The following PPFIBP2 variants were observed in gnomAD, a reference collection of about 807,000 sequenced individuals.
The protein encoded by PPFIBP2 is PPFIB scaffold protein 2.
Under a neutral mutation model 118.3 loss-of-function variants are expected in PPFIBP2, and 118 were observed. That is an observed-to-expected ratio of 1.00 (90% CI 0.86 to 1.16). PPFIBP2 has a LOEUF of 1.16. Among genes scored for constraint, PPFIBP2 ranks in the 50% most tolerant of loss-of-function variants. PPFIBP2 has a pLI of 0.00. For missense variants in PPFIBP2, 1,195 were observed against 1,073.1 expected, an observed-to-expected ratio of 1.11 and a Z score of -1.59; for synonymous variants, 414 against 397.4, an observed-to-expected ratio of 1.04 and a Z score of -0.50.
intron 3 of PPFIBP2, among the ~76,000 whole-genome samples, chr11:7,575,355 A>G (rs1029326073): frequency 2.6e-5 from 4 of 152,134 alleles, no homozygotes; most frequent in African/African-American, 9.7e-5. Context: ...TCAGGAAGGG[A>G]TAGAAGAGGG....
At chr11:7,594,035 G>A (rs1859826091) in intron 4 of PPFIBP2, among the ~76,000 whole-genome samples, 1 of 152,188 alleles carries the variant, frequency 6.6e-6, no homozygotes, top group African/African-American at 2.4e-5. Flanking sequence ...GAGTTAGACT[G>A]GTGGTAGAAT....
At chr11:7,542,889 G>C (rs1323633513) in intron 1 of PPFIBP2, among the ~76,000 whole-genome samples, 1 of 152,142 alleles carries the variant, frequency 6.6e-6, no homozygotes, top group Non-Finnish European at 1.5e-5. Context: ...GTTCTGTCTT[G>C]TTTACATTTG....
chr11:7,624,836 C>G (rs118126589), intron 7 of PPFIBP2, among the ~76,000 whole-genome samples: 3,175 of 152,184 alleles, frequency 0.021, 49 homozygotes, highest in Non-Finnish European at 0.035. Context: ...GTAGTTTTTC[C>G]CATTTTATAG....
chr11:7,620,975 A>C lies in PPFIBP2; in HGVS notation c.659A>C (p.Glu220Ala). Reference sequence around the variant, plus strand: ...CTCAGGCACCTCAAAATCAAAGTGGAAGAGTTGGAAAATGAAAGGAATCAG... The same window carrying C: ...CTCAGGCACCTCAAAATCAAAGTGGCAGAGTTGGAAAATGAAAGGAATCAG... ...QELRHLKIKV[E>A]ELENERNQYE... The change falls in exon 7 of 24, where the codon GAA (glutamate) becomes GCA (alanine). Residue 220 changes from glutamate (E) to alanine (A), a missense_variant. Physicochemically the swap from Glu to Ala is moderately radical, Grantham distance 107 (BLOSUM62 -1). Transcript: ENST00000299492. 1 of 1,613,426 alleles carries C rather than the reference A, an allele frequency of 6.2e-7. No homozygotes were observed. Among genetic ancestry groups the C allele is most frequent in the African/African-American group, 1.3e-5 (1 of 75,010 alleles).
chr11:7,597,381 T>G, intron 4 of PPFIBP2, 179 bp from the exon 5 acceptor site: 1 of 1,536,722 alleles, frequency 6.5e-7, no homozygotes, highest in Non-Finnish European at 8.7e-7. Context: ...AAGGTAAGAA[T>G]CTAACTGCAG....
intron 4 of PPFIBP2, chr11:7,597,139 G>A (rs1860475637): frequency 1.4e-6 from 2 of 1,436,108 alleles, no homozygotes; most frequent in East Asian, 5.0e-5. Flanking sequence ...AGAGAGGTAA[G>A]GTCATTGGTT....
At chr11:7,666,305 A>G in the PPFIBP2 span, 3 of 620,534 alleles carry the variant, frequency 4.8e-6, no homozygotes, top group Non-Finnish European at 5.8e-6. Context: ...AATTTCTCAC[A>G]TTTCCCATCT....
chr11:7,628,258 A>G, intron 8 of PPFIBP2, 27 bp from the exon 9 acceptor site: 5 of 1,594,350 alleles, frequency 3.1e-6, no homozygotes, highest in Non-Finnish European at 4.3e-6. Flanking sequence ...TATATAAATA[A>G]TTATTTCTAT....
Position 7,653,646 on chromosome 11 carries a change from C to T in PPFIBP2, c.*428C>T. On this transcript the variant is annotated 3_prime_UTR_variant, in exon 24 of 24. Transcript: ENST00000299492. The stretch of plus-strand genomic sequence containing the variant: ...CGTGGACCACAGTCTTGGCTGAGAT[C>T]AAAGGGATGAGCAACAGGGACTTCT... 1 of 1,293,164 alleles carries T rather than the reference C, an allele frequency of 7.7e-7. No homozygotes were observed. Among genetic ancestry groups the T allele is most frequent in the Admixed American group, 2.3e-5 (1 of 43,644 alleles). 80.1% of individuals were successfully genotyped at this position (1,293,164 alleles called of 1,614,324 possible). A position where few individuals can be genotyped will look rare whatever the true frequency, so the allele number is the denominator to read the frequency against.
At chr11:7,563,189 C>T (rs1237076844) in intron 2 of PPFIBP2, among the ~76,000 whole-genome samples, 7 of 152,010 alleles carry the variant, frequency 4.6e-5, no homozygotes, top group Non-Finnish European at 1.0e-4. Flanking sequence ...CTGACTCACT[C>T]TTCCCACATT....
chr11:7,625,731 T>G, intron 7 of PPFIBP2, 46 bp from the exon 8 acceptor site: 2 of 1,508,822 alleles, frequency 1.3e-6, no homozygotes, highest in Non-Finnish European at 1.8e-6. Context: ...TCATCATGAT[T>G]TGGCAGTCCT....
chr11:7,648,170 C>T, intron 17 of PPFIBP2: 1 of 501,136 alleles, frequency 2.0e-6, no homozygotes, highest in South Asian at 3.0e-5. Context: ...ATTTGAAATT[C>T]AGATCTTGTG....
intron 3 of PPFIBP2, among the ~76,000 whole-genome samples, chr11:7,592,504 A>G (rs945559659): frequency 6.6e-6 from 1 of 150,728 alleles, no homozygotes; most frequent in Non-Finnish European, 1.5e-5. Context: ...CAGCTCTAGC[A>G]CTGGGGAAAT....
chr11:7,608,724 C>T (rs1847709502), intron 5 of PPFIBP2, among the ~76,000 whole-genome samples: 1 of 152,264 alleles, frequency 6.6e-6, no homozygotes, highest in African/African-American at 2.4e-5. Flanking sequence ...TGTACTCTCT[C>T]TTGGCCTGTT....
intron 10 of PPFIBP2, among the ~76,000 whole-genome samples, chr11:7,630,635 T>C (rs1850628218): frequency 6.6e-6 from 1 of 152,174 alleles, no homozygotes; most frequent in Non-Finnish European, 1.5e-5. Context: ...TTTAAGATCA[T>C]GGGTCAAGTC....
intron 3 of PPFIBP2, chr11:7,577,715 G>A (rs1434842809): frequency 6.6e-6 from 3 of 455,508 alleles, no homozygotes; most frequent in Non-Finnish European, 1.3e-5. Flanking sequence ...TTTGGGGTGT[G>A]TGTGCCTGTG....
intron 6 of PPFIBP2, among the ~76,000 whole-genome samples, chr11:7,611,560 T>C (rs1239933612): frequency 1.3e-5 from 2 of 152,254 alleles, no homozygotes; most frequent in Non-Finnish European, 2.9e-5. Context: ...GAACAGTAGC[T>C]TGTATTGACT....
chr11:7,586,961 A>C (rs1313143194), intron 3 of PPFIBP2, among the ~76,000 whole-genome samples: 1 of 152,072 alleles, frequency 6.6e-6, no homozygotes, highest in Non-Finnish European at 1.5e-5. Context: ...TCATTTTCTG[A>C]TTCATTTTCT....
chr11:7,514,738 C>G (rs1276951562), intron 1 of PPFIBP2, among the ~76,000 whole-genome samples: 1 of 152,218 alleles, frequency 6.6e-6, no homozygotes, highest in Non-Finnish European at 1.5e-5. Context: ...GATTCCAGAC[C>G]CGCAGTTTTT....
Sources: gnomAD v4.1 joint callset for allele counts (sites outside exome capture counted in the v4.1 genomes callset) on GRCh38, gnomAD v4.1.1 for gene constraint, MANE v1.5 for transcripts, NCBI Gene and HGNC (gene_info 2026-07-23, HGNC 2026-07-21) for gene names.